PLCXD3: variants seen among roughly 807,000 people sequenced by gnomAD.
PLCXD3 encodes PI-PLC X domain-containing protein 3.
Under a neutral mutation model 25.5 loss-of-function variants are expected in PLCXD3, and 19 were observed. The observed-to-expected ratio is 0.75, with a 90% CI of 0.52 to 1.09. PLCXD3 has a LOEUF of 1.09. PLCXD3 is among the 50% of genes least tolerant of loss of function. The pLI is 0.00. For missense variants in PLCXD3, 411 were observed against 388.1 expected (o/e 1.06, Z -0.50); for synonymous variants, 174 against 137.6 (o/e 1.26, Z -1.85).
chr5:41,409,944 GA>G (rs1430546290), intron 1 of PLCXD3, among the ~76,000 whole-genome samples: 1 of 152,018 alleles, frequency 6.6e-6, no homozygotes, highest in African/African-American at 2.4e-5. Flanking sequence ...TTAACACTGA[GA>G]ACTAAGTGCC....
At chr5:41,373,570 C>T (rs546760770) in intron 2 of PLCXD3, among the ~76,000 whole-genome samples, 17 of 152,232 alleles carry the variant, frequency 1.1e-4, no homozygotes, top group African/African-American at 3.8e-4. Flanking sequence ...CATTTCCCAG[C>T]CCATGGAACG....
At position 41,313,121 on chromosome 5, in the gene PLCXD3, A is replaced by C. The variant is rs781101370; in HGVS notation, c.*496T>G. 1 of 155,910 alleles carries C rather than the reference A, an allele frequency of 6.4e-6. No homozygotes were observed. Among genetic ancestry groups the C allele is most frequent in the Admixed American group, 6.2e-5 (1 of 16,024 alleles). The allele number at this position is 155,910 out of a possible 1,614,324, so 9.7% of individuals were successfully genotyped here. ...TATGATTGCCCAACTGTGGATGACT[A>C]TAGAGCATTATAACAAGTCCCACAA... On this transcript the variant is annotated 3_prime_UTR_variant, in exon 3 of 3. Coordinates refer to ENST00000377801, the MANE Select transcript of PLCXD3 (RefSeq NM_001005473.3).
chr5:41,482,466 A>G (rs1748434638), intron 1 of PLCXD3, among the ~76,000 whole-genome samples: 1 of 152,182 alleles, frequency 6.6e-6, no homozygotes, highest in African/African-American at 2.4e-5. Flanking sequence ...TATTCCATTA[A>G]CCCTTATCAG....
chr5:41,411,140 TA>T (rs1204553560), intron 1 of PLCXD3, among the ~76,000 whole-genome samples: 1 of 152,166 alleles, frequency 6.6e-6, no homozygotes, highest in Non-Finnish European at 1.5e-5. Context: ...ACCTGGCAAA[TA>T]AACAGTCTAA....
intron 2 of PLCXD3, among the ~76,000 whole-genome samples, chr5:41,331,353 G>C (rs896238453): frequency 2.6e-5 from 4 of 152,106 alleles, no homozygotes; most frequent in African/African-American, 9.7e-5. Context: ...TTGCTTCAAA[G>C]AGAATAAAAT....
chr5:41,498,966 A>T (rs1748895462), intron 1 of PLCXD3, among the ~76,000 whole-genome samples: 1 of 151,724 alleles, frequency 6.6e-6, no homozygotes, highest in African/African-American at 2.4e-5. Context: ...TTTTCATGAT[A>T]AAAAACGCTC....
At chr5:41,345,881 T>A (rs964054118) in intron 2 of PLCXD3, among the ~76,000 whole-genome samples, 1 of 135,672 alleles carries the variant, frequency 7.4e-6, no homozygotes, top group South Asian at 2.2e-4. Flanking sequence ...CTTTTCTTTT[T>A]TTTATTTTTT....
intron 1 of PLCXD3, among the ~76,000 whole-genome samples, chr5:41,496,662 C>T (rs1748847189): frequency 6.8e-6 from 1 of 147,318 alleles, no homozygotes; most frequent in Non-Finnish European, 1.5e-5. Flanking sequence ...AGTTTATCAC[C>T]ATTAGACCTA....
intron 1 of PLCXD3, among the ~76,000 whole-genome samples, chr5:41,509,445 T>C (rs1738983405): frequency 6.6e-6 from 1 of 152,172 alleles, no homozygotes; most frequent in South Asian, 2.1e-4. Flanking sequence ...CACTCCTGGA[T>C]ACCTGATCTA....
At chr5:41,452,245 C>G (rs1427065294) in intron 1 of PLCXD3, among the ~76,000 whole-genome samples, 1 of 151,996 alleles carries the variant, frequency 6.6e-6, no homozygotes, top group Non-Finnish European at 1.5e-5. Context: ...CCTATACCAT[C>G]AGGATTTCAA....
At chr5:41,489,680 C>T (rs530169000) in intron 1 of PLCXD3, among the ~76,000 whole-genome samples, 1 of 152,068 alleles carries the variant, frequency 6.6e-6, no homozygotes, top group African/African-American at 2.4e-5. Flanking sequence ...GTATTTTATT[C>T]TCTTTGAAGC....
chr5:41,354,796 A>T (rs147519459), intron 2 of PLCXD3, among the ~76,000 whole-genome samples: 3 of 152,196 alleles, frequency 2.0e-5, no homozygotes, highest in African/African-American at 7.2e-5. Context: ...TGATCATGTT[A>T]GTTCCCTGCA....
At chr5:41,344,537 A>G (rs1055743522) in intron 2 of PLCXD3, among the ~76,000 whole-genome samples, 2 of 152,034 alleles carry the variant, frequency 1.3e-5, no homozygotes, top group African/African-American at 4.8e-5. Flanking sequence ...AGTTCCCATT[A>G]TTTTGCTCTT....
At chr5:41,436,213 T>C (rs318056) in intron 1 of PLCXD3, among the ~76,000 whole-genome samples, 134,686 of 151,696 alleles carry the variant, frequency 0.89, 60,069 homozygotes, top group Middle Eastern at 0.94. Context: ...CTTAAAAGTA[T>C]CTTAGCAATT....
In PLCXD3 at chr5:41,312,553, C is replaced by A. The variant is rs1342991215; in HGVS notation, c.*1064G>T. On this transcript the variant is annotated 3_prime_UTR_variant, in exon 3 of 3. Coordinates refer to ENST00000377801, the MANE Select transcript of PLCXD3 (RefSeq NM_001005473.3). ...TTTTCTTCTTCCTTCCTCTCTTCCT[C>A]CCTCCCTCCCTCTCTTCCTCCCTCC... The A allele has an allele frequency of 2.0e-5, 3 of 149,546 alleles. No individual in the cohort carries two copies. Among genetic ancestry groups the A allele is most frequent in the Non-Finnish European group, 4.5e-5 (3 of 67,382 alleles). The allele number at this position is 149,546 out of a possible 1,614,324, so 9.3% of individuals were successfully genotyped here. A position where few individuals can be genotyped will look rare whatever the true frequency, so the allele number is the denominator to read the frequency against.
Position 41,489,765 on chromosome 5 carries a change from G to T in PLCXD3, c.103+20659C>A, listed in dbSNP as rs527690486. 2.2e-3 allele frequency among the ~76,000 whole-genome samples: 339 copies of T among 151,898 alleles called. 1 individual carries two copies. Among genetic ancestry groups the T allele is most frequent in the African/African-American group, 7.0e-3 (289 of 41,422 alleles). On this transcript the variant is annotated intron_variant, in intron 1 of 2. Coordinates refer to ENST00000377801, the MANE Select transcript of PLCXD3 (RefSeq NM_001005473.3). ...GTTATTGGTGTATAAGAATGCTTGT[G>T]ATTTTTGTACATTGATTTTGTATCC... is the stretch of plus-strand genomic sequence containing the variant.
At chr5:41,487,805 T>C (rs891905348) in intron 1 of PLCXD3, among the ~76,000 whole-genome samples, 39 of 151,884 alleles carry the variant, frequency 2.6e-4, no homozygotes, top group African/African-American at 8.7e-4. Flanking sequence ...AAAGAATGGA[T>C]TGGATTAGTG....
At position 41,307,594 on chromosome 5, in the gene PLCXD3, A is replaced by G. The variant is rs957221283; in HGVS notation, c.*6023T>C. 2.0e-5 allele frequency: 3 copies of G among 152,248 alleles called. No individual in the cohort carries two copies. The East Asian group carries it at 5.8e-4, about 29-fold the overall frequency. The allele number at this position is 152,248 out of a possible 1,614,324, so 9.4% of individuals were successfully genotyped here. A position where few individuals can be genotyped will look rare whatever the true frequency, so the allele number is the denominator to read the frequency against. ...ATGTCAGGGTCAGATTCTATCCCCT[A>G]CTTGCGCCTGCCTCCCCTGTCCCCC... On this transcript the variant is annotated 3_prime_UTR_variant, in exon 3 of 3. Coordinates refer to ENST00000377801, the MANE Select transcript of PLCXD3 (RefSeq NM_001005473.3).
intron 1 of PLCXD3, among the ~76,000 whole-genome samples, chr5:41,460,283 T>C (rs182338134): frequency 6.6e-6 from 1 of 152,050 alleles, no homozygotes; most frequent in East Asian, 1.9e-4. Context: ...AATTTTAATA[T>C]CCTTTACCTT....
Sources: gnomAD v4.1 joint callset for allele counts (sites outside exome capture counted in the v4.1 genomes callset) on GRCh38, gnomAD v4.1.1 for gene constraint, MANE v1.5 for transcripts, NCBI Gene and HGNC (gene_info 2026-07-23, HGNC 2026-07-21) for gene names.